The following FAAH2 variants were observed in gnomAD, a reference collection of about 807,000 sequenced individuals.
The protein encoded by FAAH2 is fatty acid amide hydrolase 2.
FAAH2 carries 60 observed loss-of-function variants against 36.9 expected under a neutral mutation model. The observed-to-expected ratio is 1.63, with a 90% CI of 1.32 to 2.02. The LOEUF is 2.02. Ranked by LOEUF, FAAH2 falls within the 30% of genes most tolerant of loss-of-function variation. The pLI is 0.00. For missense variants in FAAH2, 689 were observed against 397.5 expected (o/e 1.73, Z -6.23); for synonymous variants, 214 against 143.8 (o/e 1.49, Z -3.49).
At chrX:57,243,258 C>T in the FAAH2 span, among the ~76,000 whole-genome samples, 721 of 112,073 alleles carry the variant, frequency 6.4e-3, 4 homozygotes, top group Non-Finnish European at 0.01. Flanking sequence ...CAGTCAGGGG[C>T]TTATAGATAA....
Position 57,286,706 on chromosome X carries a change from A to T in FAAH2, c.-120A>T. 2 of 684,674 alleles carry T rather than the reference A, an allele frequency of 2.9e-6. No homozygotes were observed. Among genetic ancestry groups the T allele is most frequent in the Non-Finnish European group, 2.0e-6 (1 of 502,219 alleles). The allele number at this position is 684,674 out of a possible 1,213,427, so 56.4% of individuals were successfully genotyped here. On this transcript the variant is annotated 5_prime_UTR_variant, in exon 1 of 11. Transcript: ENST00000374900. The stretch of plus-strand genomic sequence containing the variant: ...AACAAGCTCCTGTGGAATTGTGGGT[A>T]GACACTGGACTTGTAAACGAAAAGC...
Position 57,418,350 on chromosome X carries a change from C to A in FAAH2, c.997-13568C>A, listed in dbSNP as rs779149522. On this transcript the variant is annotated intron_variant, in intron 7 of 10. Transcript: ENST00000374900. Reference sequence around the variant, plus strand: ...AGTGTTTTGCTTGAAGCCCAGGGCCCTGGTGGTGTAGGCACCTGAGGGAAT... The same window carrying A: ...AGTGTTTTGCTTGAAGCCCAGGGCCATGGTGGTGTAGGCACCTGAGGGAAT... 1.7e-4 allele frequency among the ~76,000 whole-genome samples: 19 copies of A among 111,925 alleles called. No homozygotes were observed. The South Asian group carries it at 6.8e-3, about 40-fold the overall frequency.
intron 10 of FAAH2, among the ~76,000 whole-genome samples, chrX:57,451,649 A>G (rs1232585657): frequency 9.0e-6 from 1 of 111,526 alleles, no homozygotes; most frequent in Non-Finnish European, 1.9e-5. Flanking sequence ...GAACAGAAAA[A>G]CACACAGGAA....
intron 5 of FAAH2, among the ~76,000 whole-genome samples, chrX:57,349,198 CA>C (rs749254927): frequency 2.3e-5 from 2 of 87,418 alleles, no homozygotes; most frequent in African/African-American, 4.1e-5. Context: ...TGTATATATA[CA>C]TATACATATA....
At chrX:57,335,443 G>T (rs984166276) in intron 4 of FAAH2, among the ~76,000 whole-genome samples, 1 of 112,084 alleles carries the variant, frequency 8.9e-6, no homozygotes, top group Admixed American at 9.4e-5. Flanking sequence ...CATAAACAAG[G>T]TAAAGAAAAA....
intron 8 of FAAH2, among the ~76,000 whole-genome samples, chrX:57,437,894 T>C (rs935766728): frequency 1.9e-5 from 2 of 103,534 alleles, no homozygotes; most frequent in African/African-American, 6.9e-5. Flanking sequence ...CATACGTATA[T>C]GTATACACAT....
Position 57,441,485 on chromosome X carries a change from T to C in FAAH2, c.1117-5443T>C, listed in dbSNP as rs1332301988. Among the ~76,000 whole-genome samples the C allele has an allele frequency of 6.3e-5, 7 of 111,153 alleles. No homozygotes were observed. The South Asian group carries it at 2.7e-3, about 42-fold the overall frequency. On this transcript the variant is annotated intron_variant, in intron 8 of 10. Coordinates refer to ENST00000374900, the MANE Select transcript of FAAH2 (RefSeq NM_174912.4). ...TTTTTTATTGCATCTATTTGATTCC[T>C]CTCTCTTTTCTTCTTTATTAGTCTT...
chrX:57,485,836 C>T (rs775083967), intron 10 of FAAH2, among the ~76,000 whole-genome samples: 1 of 111,778 alleles, frequency 8.9e-6, no homozygotes, highest in Non-Finnish European at 1.9e-5. Flanking sequence ...TGTTTGGGTA[C>T]ATGGCCACCT....
intron 10 of FAAH2, among the ~76,000 whole-genome samples, chrX:57,458,722 G>A (rs1181564712): frequency 1.8e-5 from 2 of 111,766 alleles, no homozygotes; most frequent in African/African-American, 6.5e-5. Context: ...TACCCGGGAA[G>A]TGCAAGGAGT....
chrX:57,269,365 C>T, the FAAH2 span, among the ~76,000 whole-genome samples: 3 of 111,078 alleles, frequency 2.7e-5, no homozygotes, highest in Non-Finnish European at 5.7e-5. Flanking sequence ...CAGCACTGGA[C>T]AATATGGGCC....
At chrX:57,271,547 G>A in the FAAH2 span, among the ~76,000 whole-genome samples, 1 of 112,204 alleles carries the variant, frequency 8.9e-6, no homozygotes, top group Non-Finnish European at 1.9e-5. Context: ...GTACCTCTGG[G>A]TCAAAACTTC....
chrX:57,398,739 C>T (rs2055362978), intron 7 of FAAH2, among the ~76,000 whole-genome samples: 1 of 111,366 alleles, frequency 9.0e-6, no homozygotes, highest in African/African-American at 3.3e-5. Context: ...ACCTAATTAG[C>T]ATTTTAGTGA....
At chrX:57,154,126 C>T in the FAAH2 span, among the ~76,000 whole-genome samples, 4 of 110,877 alleles carry the variant, frequency 3.6e-5, no homozygotes, top group Non-Finnish European at 7.5e-5. Flanking sequence ...GAAGTTCCTT[C>T]CTCTGCTTGT....
intron 10 of FAAH2, among the ~76,000 whole-genome samples, chrX:57,467,482 C>T (rs1291452848): frequency 2.7e-5 from 3 of 111,937 alleles, no homozygotes; most frequent in Non-Finnish European, 5.6e-5. Flanking sequence ...GGGTCCTACA[C>T]CCATGGAGCC....
chrX:57,344,371 T>A (rs1052488551), intron 5 of FAAH2, among the ~76,000 whole-genome samples: 2 of 111,314 alleles, frequency 1.8e-5, no homozygotes, highest in East Asian at 5.7e-4. Context: ...GTGGCTATTG[T>A]AAATGGGATT....
chrX:57,384,957 A>G (rs1195695350), intron 7 of FAAH2, among the ~76,000 whole-genome samples: 6 of 111,915 alleles, frequency 5.4e-5, no homozygotes, highest in African/African-American at 1.9e-4. Context: ...GCCAGAAAAA[A>G]TGATGAGTTC....
At chrX:57,287,082 G>C in intron 1 of FAAH2, 65 bp downstream of exon 1, 1 of 1,048,499 alleles carries the variant, frequency 9.5e-7, no homozygotes, top group Non-Finnish European at 1.3e-6. Context: ...GAAGCTTAGT[G>C]GTGGCGGTGG....
At chrX:57,191,643 C>T in the FAAH2 span, among the ~76,000 whole-genome samples, 4 of 111,704 alleles carry the variant, frequency 3.6e-5, no homozygotes, top group African/African-American at 9.7e-5. Flanking sequence ...GTCTTTAGTT[C>T]CTTTTGATTT....
At chrX:57,455,825 G>A (rs1202825293) in intron 10 of FAAH2, among the ~76,000 whole-genome samples, 1 of 111,768 alleles carries the variant, frequency 8.9e-6, no homozygotes, top group African/African-American at 3.3e-5. Context: ...CTAACCAATG[G>A]AAAGATTTAG....
Sources: gnomAD v4.1 joint callset for allele counts (sites outside exome capture counted in the v4.1 genomes callset) on GRCh38, gnomAD v4.1.1 for gene constraint, MANE v1.5 for transcripts, NCBI Gene and HGNC (gene_info 2026-07-23, HGNC 2026-07-21) for gene names.